Variants in MARCOL observed in about 807,000 individuals in gnomAD.
The protein encoded by MARCOL is MARCO like, also known as MARCO-like protein.
In MARCOL at chr5:148,243,552, T is replaced by A; in HGVS notation, c.*298T>A. On this transcript the variant is annotated 3_prime_UTR_variant, in exon 2 of 2. Coordinates refer to ENST00000638089, the MANE Select transcript of MARCOL (RefSeq NM_001363511.2). Reference sequence around the variant, plus strand: ...ATCTAGCCATCAGAGAAAATTAAGGTCATTTTACAACCAACGACAAAGAAA... The same window carrying A: ...ATCTAGCCATCAGAGAAAATTAAGGACATTTTACAACCAACGACAAAGAAA... The A allele has an allele frequency of 1.7e-5, 5 of 298,970 alleles. No homozygotes were observed. Among genetic ancestry groups the A allele is most frequent in the East Asian group, 5.4e-5 (1 of 18,508 alleles). 18.5% of individuals were successfully genotyped at this position (298,970 alleles called of 1,614,324 possible).
Position 148,243,509 on chromosome 5 carries a change from G to A in MARCOL, c.*255G>A, listed in dbSNP as rs148111919. 2.3e-3 allele frequency: 841 copies of A among 361,006 alleles called. No individual in the cohort carries two copies. The highest frequency in any genetic ancestry group is 3.2e-3 in the Non-Finnish European group (642 of 202,874). 22.4% of individuals were successfully genotyped at this position (361,006 alleles called of 1,614,324 possible). A position where few individuals can be genotyped will look rare whatever the true frequency, so the allele number is the denominator to read the frequency against. On this transcript the variant is annotated 3_prime_UTR_variant, in exon 2 of 2. Transcript: ENST00000638089. ...AAGGAAATATAGGGTCATCTGGCCA[G>A]GAATGGAAGCCAGAGCCATCTAGCC... is the stretch of plus-strand genomic sequence containing the variant.
chr5:148,243,526 C>A lies in MARCOL; in HGVS notation c.*272C>A. 3.6e-5 allele frequency: 12 copies of A among 331,546 alleles called. No homozygotes were observed. Among genetic ancestry groups the A allele is most frequent in the Non-Finnish European group, 4.9e-5 (9 of 184,018 alleles). 20.5% of individuals were successfully genotyped at this position (331,546 alleles called of 1,614,324 possible). A position where few individuals can be genotyped will look rare whatever the true frequency, so the allele number is the denominator to read the frequency against. On this transcript the variant is annotated 3_prime_UTR_variant, in exon 2 of 2. Coordinates refer to ENST00000638089, the MANE Select transcript of MARCOL (RefSeq NM_001363511.2). The stretch of plus-strand genomic sequence containing the variant: ...TCTGGCCAGGAATGGAAGCCAGAGC[C>A]ATCTAGCCATCAGAGAAAATTAAGG...
intron 1 of MARCOL, among the ~76,000 whole-genome samples, chr5:148,241,524 CA>C (rs71001486): frequency 0.072 from 9,127 of 126,156 alleles, 374 homozygotes; most frequent in East Asian, 0.21. Context: ...ACACTTCTAC[CA>C]AAAAAAAAAA....
intron 1 of MARCOL, among the ~76,000 whole-genome samples, chr5:148,241,097 G>A (rs1167289063): frequency 2.0e-5 from 3 of 151,656 alleles, no homozygotes; most frequent in Admixed American, 6.6e-5. Flanking sequence ...TTGAATGAAT[G>A]GCTAAGTTAT....
intron 1 of MARCOL, among the ~76,000 whole-genome samples, chr5:148,240,313 G>T (rs1755950333): frequency 6.6e-6 from 1 of 151,854 alleles, no homozygotes; most frequent in African/African-American, 2.4e-5. Flanking sequence ...TGTCCTTGGA[G>T]AAAACAAAGA....
chr5:148,240,082 T>G (rs1218541434), intron 1 of MARCOL, among the ~76,000 whole-genome samples: 1 of 152,002 alleles, frequency 6.6e-6, no homozygotes, highest in East Asian at 1.9e-4. Context: ...TTTTATTTAA[T>G]AAATTTACTT....
chr5:148,241,448 C>T (rs1755964045), intron 1 of MARCOL, among the ~76,000 whole-genome samples: 1 of 148,762 alleles, frequency 6.7e-6, no homozygotes, highest in African/African-American at 2.5e-5. Context: ...TAAGAGAACC[C>T]CACATTAGGA....
At chr5:148,239,645 A>T (rs1161988037) in intron 1 of MARCOL, among the ~76,000 whole-genome samples, 2 of 151,032 alleles carry the variant, frequency 1.3e-5, no homozygotes, top group African/African-American at 4.9e-5. Flanking sequence ...CAGAGTTAAG[A>T]AAAAAAAAGG....
intron 1 of MARCOL, among the ~76,000 whole-genome samples, chr5:148,241,237 C>T (rs1287628376): frequency 6.6e-6 from 1 of 151,764 alleles, no homozygotes; most frequent in Non-Finnish European, 1.5e-5. Flanking sequence ...AATTGACTAT[C>T]ATTTGACTTT....
chr5:148,241,655 CAT>C (rs1223229351), intron 1 of MARCOL, among the ~76,000 whole-genome samples: 1 of 151,366 alleles, frequency 6.6e-6, no homozygotes, highest in Non-Finnish European at 1.5e-5. Context: ...TCTGAAAAAA[CAT>C]AAAACATATA....
At position 148,243,343 on chromosome 5, in the gene MARCOL, G is replaced by A. The variant is rs1476742633; in HGVS notation, c.*89G>A. On this transcript the variant is annotated 3_prime_UTR_variant, in exon 2 of 2. Transcript: ENST00000638089. The stretch of plus-strand genomic sequence containing the variant: ...CAACAAGGGAATCTAGGGTCATCTA[G>A]CTATCAAGGGAAGCCAGTGTCATCT... 2.5e-6 allele frequency: 1 copy of A among 397,892 alleles called. No individual in the cohort carries two copies. 24.6% of individuals were successfully genotyped at this position (397,892 alleles called of 1,614,324 possible).
intron 1 of MARCOL, among the ~76,000 whole-genome samples, chr5:148,238,950 A>G (rs1265450043): frequency 1.3e-5 from 2 of 152,236 alleles, no homozygotes; most frequent in African/African-American, 2.4e-5. Flanking sequence ...GTTTGTGAAT[A>G]TGCAAGTTCA....
Position 148,238,583 on chromosome 5 carries a change from A to T in MARCOL, c.-15A>T. ...ACTCCACCCAACAGCCAAGTCTGAA[A>T]CCACTGACGGTACCATGAGGGCTTT... On this transcript the variant is annotated 5_prime_UTR_variant, in exon 1 of 2. Transcript: ENST00000638089. 2.5e-6 allele frequency: 1 copy of T among 398,088 alleles called. No homozygotes were observed. The highest frequency in any genetic ancestry group is 4.4e-6 in the Non-Finnish European group (1 of 225,364). The allele number at this position is 398,088 out of a possible 1,614,324, so 24.7% of individuals were successfully genotyped here.
Position 148,242,931 on chromosome 5 carries a change from T to TC in MARCOL, c.536dup (p.Ser180IlefsTer11), listed in dbSNP as rs757245315. 7.3e-5 allele frequency: 29 copies of TC among 398,352 alleles called. No homozygotes were observed. Among genetic ancestry groups the TC allele is most frequent in the Non-Finnish European group, 1.0e-4 (23 of 226,160 alleles). 24.7% of individuals were successfully genotyped at this position (398,352 alleles called of 1,614,324 possible). On this transcript the variant is annotated frameshift_variant, in exon 2 of 2. Transcript: ENST00000638089. LOFTEE classifies it low-confidence loss of function (END_TRUNC). ...ATCTAGCCAACACGGGAATCTAGGG[T>TC]CATCAACCCAGAAAGGGAATTTAGG...
At chr5:148,239,545 T>C (rs1173974924) in intron 1 of MARCOL, among the ~76,000 whole-genome samples, 1 of 151,912 alleles carries the variant, frequency 6.6e-6, no homozygotes, top group Non-Finnish European at 1.5e-5. Context: ...ATTCATCTTG[T>C]TAAGAAATAT....
chr5:148,240,403 T>C (rs891043551), intron 1 of MARCOL, among the ~76,000 whole-genome samples: 1 of 151,868 alleles, frequency 6.6e-6, no homozygotes, highest in Non-Finnish European at 1.5e-5. Context: ...AGGGTATCCA[T>C]CAAATAATTC....
chr5:148,243,337 C>T lies in MARCOL; in HGVS notation c.*83C>T, dbSNP rs1755990169. ...TCTAGCCAACAAGGGAATCTAGGGT[C>T]ATCTAGCTATCAAGGGAAGCCAGTG... On this transcript the variant is annotated 3_prime_UTR_variant, in exon 2 of 2. Coordinates refer to ENST00000638089, the MANE Select transcript of MARCOL (RefSeq NM_001363511.2). The T allele has an allele frequency of 2.5e-6, 1 of 397,840 alleles. No homozygotes were observed. Among genetic ancestry groups the T allele is most frequent in the Non-Finnish European group, 4.4e-6 (1 of 225,896 alleles). The allele number at this position is 397,840 out of a possible 1,614,324, so 24.6% of individuals were successfully genotyped here. A position where few individuals can be genotyped will look rare whatever the true frequency, so the allele number is the denominator to read the frequency against.
intron 1 of MARCOL, among the ~76,000 whole-genome samples, chr5:148,238,900 A>G (rs10045607): frequency 0.036 from 5,423 of 152,112 alleles, 228 homozygotes; most frequent in East Asian, 0.12. Flanking sequence ...AAGGCAAAAC[A>G]TTAGACTGGA....
Position 148,243,304 on chromosome 5 carries a change from C to T in MARCOL, c.*50C>T, listed in dbSNP as rs1297861506. 2.5e-6 allele frequency: 1 copy of T among 397,892 alleles called. No homozygotes were observed. The highest frequency in any genetic ancestry group is 2.1e-5 in the African/African-American group (1 of 48,476). 24.6% of individuals were successfully genotyped at this position (397,892 alleles called of 1,614,324 possible). On this transcript the variant is annotated 3_prime_UTR_variant, in exon 2 of 2. Coordinates refer to ENST00000638089, the MANE Select transcript of MARCOL (RefSeq NM_001363511.2). ...GGATCTCCTAGCCAACAGGAGAAGC[C>T]AGAGTCTTCTAGCCAACAAGGGAAT... is the stretch of plus-strand genomic sequence containing the variant.
Sources: gnomAD v4.1 joint callset for allele counts (sites outside exome capture counted in the v4.1 genomes callset) on GRCh38, gnomAD v4.1.1 for gene constraint, MANE v1.5 for transcripts, NCBI Gene and HGNC (gene_info 2026-07-23, HGNC 2026-07-21) for gene names.